GARNL3: variants seen among roughly 807,000 people sequenced by gnomAD.
The protein encoded by GARNL3 is GTPase-activating Rap/Ran-GAP domain-like protein 3.
Under a neutral mutation model 125.0 loss-of-function variants are expected in GARNL3, and 63 were observed. That is an observed-to-expected ratio of 0.50 (90% CI 0.41 to 0.62). The LOEUF is 0.62. GARNL3 is among the 20% of genes least tolerant of loss of function. The probability of loss-of-function intolerance (pLI) is 0.00; values close to 1 mark genes in which losing one functional copy is unlikely to be tolerated. For missense variants in GARNL3, 994 were observed against 1,244.0 expected (o/e 0.80, Z 3.02); for synonymous variants, 439 against 457.5 (o/e 0.96, Z 0.52).
At chr9:127,365,024 GCTT>G in intron 21 of GARNL3, 1 of 413,912 alleles carries the variant, frequency 2.4e-6, no homozygotes, top group Non-Finnish European at 4.3e-6. Context: ...CAAACACAGA[GCTT>G]CTCAACGGCT....
At chr9:127,381,003 C>T (rs1395293313) in intron 22 of GARNL3, among the ~76,000 whole-genome samples, 3 of 152,150 alleles carry the variant, frequency 2.0e-5, no homozygotes, top group East Asian at 1.9e-4. Flanking sequence ...CTCAGCCTCC[C>T]GAATAGCTGG....
intron 2 of GARNL3, among the ~76,000 whole-genome samples, chr9:127,304,455 C>T (rs1171569942): frequency 1.3e-5 from 2 of 151,470 alleles, no homozygotes; most frequent in East Asian, 1.9e-4. Context: ...TCTGTGTCAC[C>T]GGATGTATAC....
chr9:127,347,601 T>G (rs1213420664), intron 16 of GARNL3, among the ~76,000 whole-genome samples: 1 of 152,182 alleles, frequency 6.6e-6, no homozygotes. Flanking sequence ...AGAAAACATA[T>G]TGTTACTAAG....
chr9:127,323,120 G>T (rs1007969452), intron 6 of GARNL3, among the ~76,000 whole-genome samples: 19 of 152,130 alleles, frequency 1.2e-4, no homozygotes, highest in African/African-American at 4.1e-4. Context: ...TCAAACTAAT[G>T]ATTAGAATCA....
chr9:127,240,350 C>T (rs1382245051), intron 1 of GARNL3, among the ~76,000 whole-genome samples: 3 of 152,152 alleles, frequency 2.0e-5, no homozygotes, highest in South Asian at 2.1e-4. Flanking sequence ...AATGGTAACT[C>T]GCAGGTGAAC....
chr9:127,368,413 C>T (rs1329995110), intron 22 of GARNL3, among the ~76,000 whole-genome samples: 1 of 151,324 alleles, frequency 6.6e-6, no homozygotes, highest in African/African-American at 2.4e-5. Context: ...TCACTGCAAC[C>T]TCTGCCTCCC....
At chr9:127,246,814 A>C (rs566010020) in intron 2 of GARNL3, among the ~76,000 whole-genome samples, 15 of 152,124 alleles carry the variant, frequency 9.9e-5, no homozygotes, top group Non-Finnish European at 2.2e-4. Flanking sequence ...CTCAAAAAAA[A>C]AATTGCTGTC....
At chr9:127,330,936 A>T (rs147404326) in intron 7 of GARNL3, among the ~76,000 whole-genome samples, 1 of 152,198 alleles carries the variant, frequency 6.6e-6, no homozygotes, top group Non-Finnish European at 1.5e-5. Flanking sequence ...GGATTTTCGG[A>T]TTTTTAATAC....
At chr9:127,344,392 C>CTGGTTAGGATGGAACT in intron 15 of GARNL3, 53 bp downstream of exon 15, 1 of 1,213,276 alleles carries the variant, frequency 8.2e-7, no homozygotes, top group Non-Finnish European at 1.2e-6. Context: ...TGAGTTCCAT[C>CTGGTTAGGATGGAACT]CTAACCAGAT....
chr9:127,253,491 C>A (rs894225576), intron 2 of GARNL3, among the ~76,000 whole-genome samples: 2 of 152,176 alleles, frequency 1.3e-5, no homozygotes, highest in Non-Finnish European at 2.9e-5. Context: ...AAACAGGGAA[C>A]CCATTGTGAA....
At chr9:127,239,388 G>A (rs1292590712) in intron 1 of GARNL3, among the ~76,000 whole-genome samples, 1 of 152,112 alleles carries the variant, frequency 6.6e-6, no homozygotes. Context: ...TCCAAATCAA[G>A]CCTGGCCAGG....
At position 127,332,859 on chromosome 9, in the gene GARNL3, G is replaced by C. The variant is rs373895114; in HGVS notation, c.671-164G>C. Reference sequence around the variant, plus strand: ...TCCTTGGAGTCCTGGGAATTGTGGGGCTTCCTCATGGTGCTCAAGAAGAAG... The same window carrying C: ...TCCTTGGAGTCCTGGGAATTGTGGGCCTTCCTCATGGTGCTCAAGAAGAAG... On this transcript the variant is annotated intron_variant, in intron 8 of 27. Coordinates refer to ENST00000373387, the MANE Select transcript of GARNL3 (RefSeq NM_032293.5). Among the ~76,000 whole-genome samples the C allele has an allele frequency of 2.3e-4, 35 of 152,224 alleles. No homozygotes were observed. The East Asian group carries it at 6.4e-3, about 28-fold the overall frequency.
At chr9:127,376,503 T>C (rs934673535) in intron 22 of GARNL3, among the ~76,000 whole-genome samples, 77 of 152,264 alleles carry the variant, frequency 5.1e-4, no homozygotes, top group African/African-American at 1.6e-3. Flanking sequence ...CAGGCATGAG[T>C]CACCGTGCTG....
intron 2 of GARNL3, among the ~76,000 whole-genome samples, chr9:127,251,118 T>C (rs1345626173): frequency 1.3e-5 from 2 of 152,170 alleles, no homozygotes; most frequent in Non-Finnish European, 2.9e-5. Context: ...GATTAGATAG[T>C]ATTACTATTT....
chr9:127,261,695 G>A (rs1183765119), upstream of GARNL3, among the ~76,000 whole-genome samples: 2 of 152,180 alleles, frequency 1.3e-5, no homozygotes, highest in Non-Finnish European at 2.9e-5. Context: ...TTACAGGCGT[G>A]AGCCACCGCG....
At chr9:127,365,056 A>G (rs572979977) in intron 21 of GARNL3, 30 of 467,480 alleles carry the variant, frequency 6.4e-5, no homozygotes, top group Middle Eastern at 5.5e-4. Flanking sequence ...ATGATGAGAA[A>G]GTCCCAGAGA....
At chr9:127,365,273 C>T (rs1831223525) in intron 21 of GARNL3, 27 bp from the exon 22 acceptor site, 1 of 1,594,044 alleles carries the variant, frequency 6.3e-7, no homozygotes, top group Non-Finnish European at 8.6e-7. Context: ...CCAGCCTGCC[C>T]ACTACCGTTG....
At chr9:127,350,040 T>C (rs1830344880) in intron 17 of GARNL3, among the ~76,000 whole-genome samples, 1 of 152,172 alleles carries the variant, frequency 6.6e-6, no homozygotes, top group Admixed American at 6.5e-5. Context: ...TGAAGCATGA[T>C]AGGAGATGTG....
At chr9:127,368,506 T>G (rs1280434035) in intron 22 of GARNL3, among the ~76,000 whole-genome samples, 2 of 151,156 alleles carry the variant, frequency 1.3e-5, no homozygotes, top group Non-Finnish European at 3.0e-5. Flanking sequence ...AATTTTGTAT[T>G]TTTAGTTAGA....
Sources: gnomAD v4.1 joint callset for allele counts (sites outside exome capture counted in the v4.1 genomes callset) on GRCh38, gnomAD v4.1.1 for gene constraint, MANE v1.5 for transcripts, NCBI Gene and HGNC (gene_info 2026-07-23, HGNC 2026-07-21) for gene names.